Variants in CNOT6L observed in about 807,000 individuals in gnomAD.
The protein encoded by CNOT6L is CCR4-NOT transcription complex subunit 6 like, also known as CCR4-NOT transcription complex subunit 6-like.
In CNOT6L, 7 loss-of-function variants were observed where a neutral mutation model predicts 64.0. The observed-to-expected ratio is 0.11, with a 90% CI of 0.06 to 0.21. The LOEUF is 0.21. Among genes scored for constraint, CNOT6L ranks in the 10% least tolerant of loss-of-function variants. The pLI, the probability that CNOT6L is intolerant of heterozygous loss-of-function variation, is 1.00. For synonymous variants in CNOT6L, 193 were observed against 243.4 expected, an observed-to-expected ratio of 0.79 and a Z score of 1.93; for missense variants, 245 against 669.0, an observed-to-expected ratio of 0.37 and a Z score of 6.99.
At chr4:77,752,879 C>T (rs1434027414) in intron 5 of CNOT6L, among the ~76,000 whole-genome samples, 7 of 151,722 alleles carry the variant, frequency 4.6e-5, no homozygotes, top group Middle Eastern at 3.4e-3. Context: ...AACAAACATA[C>T]AATAAAGAAG....
chr4:77,743,541 C>T, intron 7 of CNOT6L, among the ~76,000 whole-genome samples: 1 of 146,586 alleles, frequency 6.8e-6, no homozygotes, highest in African/African-American at 2.5e-5. Context: ...ATAATTTTTC[C>T]TCTCAGGCTA....
chr4:77,714,438 T>TAAAAAAA lies in CNOT6L; in HGVS notation c.*5986_*5992dup, dbSNP rs201499481. 2 of 134,686 alleles carry TAAAAAAA rather than the reference T, an allele frequency of 1.5e-5. No homozygotes were observed. Among genetic ancestry groups the TAAAAAAA allele is most frequent in the East Asian group, 4.2e-4 (2 of 4,714 alleles). The allele number at this position is 134,686 out of a possible 1,614,324, so 8.3% of individuals were successfully genotyped here. ...AGAAAAAGTACATACACACTCTCTT[T>TAAAAAAA]AAAAAAAAAAAAAAAAAAAAAAAAA... On this transcript the variant is annotated 3_prime_UTR_variant, in exon 12 of 12. Coordinates refer to ENST00000504123, the MANE Select transcript of CNOT6L (RefSeq NM_144571.3).
Position 77,776,196 on chromosome 4 carries a change from C to CA in CNOT6L, c.127+74dup, listed in dbSNP as rs903695887. The CA allele has an allele frequency of 5.4e-6, 8 of 1,470,868 alleles. No homozygotes were observed. In the African/African-American group the frequency reaches 9.9e-5, roughly 18 times the overall value. The allele number at this position is 1,470,868 out of a possible 1,614,324, so 91.1% of individuals were successfully genotyped here. ...AGTCCATCTAATTAAAAATGTACAA[C>CA]AAAAAATATAGCAATACTCAACTTT... On this transcript the variant is annotated intron_variant, in intron 2 of 11. Coordinates refer to ENST00000504123, the MANE Select transcript of CNOT6L (RefSeq NM_144571.3).
intron 1 of CNOT6L, among the ~76,000 whole-genome samples, chr4:77,809,830 G>T (rs1003560256): frequency 6.6e-6 from 1 of 152,030 alleles, no homozygotes; most frequent in South Asian, 2.1e-4. Context: ...ATTAGAGAGG[G>T]AGGTTCTCTC....
intron 1 of CNOT6L, among the ~76,000 whole-genome samples, chr4:77,800,039 A>G (rs1255330146): frequency 6.7e-6 from 1 of 150,178 alleles, no homozygotes; most frequent in Non-Finnish European, 1.5e-5. Flanking sequence ...TCACCTGTAC[A>G]TAAAACTAAG....
At chr4:77,792,492 G>A (rs778553705) in intron 1 of CNOT6L, among the ~76,000 whole-genome samples, 2 of 152,144 alleles carry the variant, frequency 1.3e-5, no homozygotes, top group African/African-American at 2.4e-5. Flanking sequence ...TTGGGAGGCT[G>A]AGGTGGGCAG....
At chr4:77,736,083 T>C (rs531943179) in intron 8 of CNOT6L, among the ~76,000 whole-genome samples, 9 of 152,286 alleles carry the variant, frequency 5.9e-5, no homozygotes, top group African/African-American at 1.9e-4. Context: ...TTTACTGTCA[T>C]GGTTTCAAAA....
chr4:77,747,609 C>T (rs1439282182), intron 6 of CNOT6L, among the ~76,000 whole-genome samples: 2 of 151,672 alleles, frequency 1.3e-5, no homozygotes, highest in Admixed American at 6.6e-5. Flanking sequence ...TTTCGAAAAA[C>T]GGTAATTCAT....
At chr4:77,735,873 AG>A (rs1296381102) in intron 8 of CNOT6L, among the ~76,000 whole-genome samples, 13 of 152,330 alleles carry the variant, frequency 8.5e-5, no homozygotes, top group African/African-American at 3.1e-4. Context: ...TAATGATCAT[AG>A]GTTCATTAAA....
At chr4:77,798,504 T>C (rs1269433022) in intron 1 of CNOT6L, among the ~76,000 whole-genome samples, 1 of 152,086 alleles carries the variant, frequency 6.6e-6, no homozygotes, top group Non-Finnish European at 1.5e-5. Flanking sequence ...GGTAAAAAAG[T>C]ACATAAGATG....
chr4:77,817,289 GA>G (rs896405602), intron 1 of CNOT6L, among the ~76,000 whole-genome samples: 33 of 151,880 alleles, frequency 2.2e-4, no homozygotes, highest in South Asian at 4.2e-4. Flanking sequence ...TTTATTATTA[GA>G]AAAAAACTTC....
intron 1 of CNOT6L, among the ~76,000 whole-genome samples, chr4:77,806,994 A>G (rs1370277869): frequency 6.6e-6 from 1 of 152,162 alleles, no homozygotes; most frequent in Admixed American, 6.5e-5. Flanking sequence ...CAAACACTTG[A>G]GCTACAAAGG....
rs6833715 is a variant in CNOT6L, at chr4:77,744,621, T to C, written c.717+97A>G. On this transcript the variant is annotated intron_variant, in intron 7 of 11. Transcript: ENST00000504123. ...GAGAGAAAACAATTCTTTTTGAGCT[T>C]TGGCTCTAAACACAGGATCTCTCCC... is the stretch of plus-strand genomic sequence containing the variant. The C allele has an allele frequency of 5.9e-4, 600 of 1,010,904 alleles. 3 individuals are homozygous for C. The African/African-American group carries it at 6.7e-3, about 11-fold the overall frequency. 62.6% of individuals were successfully genotyped at this position (1,010,904 alleles called of 1,614,324 possible).
At chr4:77,722,884 TTAA>T (rs1429745639) in intron 11 of CNOT6L, among the ~76,000 whole-genome samples, 2 of 152,242 alleles carry the variant, frequency 1.3e-5, no homozygotes, top group South Asian at 4.1e-4. Flanking sequence ...ATATTTAATA[TTAA>T]TAATGTGGGA....
At chr4:77,777,199 T>C (rs1728249508) in intron 1 of CNOT6L, among the ~76,000 whole-genome samples, 1 of 152,252 alleles carries the variant, frequency 6.6e-6, no homozygotes. Context: ...TTATATCTGT[T>C]GTTCTGAAGC....
chr4:77,740,953 T>G (rs1723514645), intron 8 of CNOT6L, among the ~76,000 whole-genome samples: 1 of 152,174 alleles, frequency 6.6e-6, no homozygotes. Flanking sequence ...ATAGCCTAGG[T>G]GTATAGTGCT....
chr4:77,795,112 C>T (rs968000491), intron 1 of CNOT6L, among the ~76,000 whole-genome samples: 5 of 151,490 alleles, frequency 3.3e-5, no homozygotes, highest in Non-Finnish European at 7.4e-5. Context: ...CTCTGCCTCC[C>T]AGGTTCAAGT....
chr4:77,796,835 C>T (rs1475329129), intron 1 of CNOT6L, among the ~76,000 whole-genome samples: 1 of 151,998 alleles, frequency 6.6e-6, no homozygotes, highest in African/African-American at 2.4e-5. Flanking sequence ...AATCCCACCA[C>T]TTTGGGAGGG....
At position 77,772,917 on chromosome 4, in the gene CNOT6L, C is replaced by T. The variant is rs186223002; in HGVS notation, c.400+164G>A. 2.6e-4 allele frequency among the ~76,000 whole-genome samples: 39 copies of T among 151,998 alleles called. No homozygotes were observed. In the East Asian group the frequency reaches 3.3e-3, roughly 13 times the overall value. On this transcript the variant is annotated intron_variant, in intron 4 of 11. Transcript: ENST00000504123. ...CAGCCTGGGCGACAGACCAAGACTC[C>T]GTCTCAAACAAACAAACAAACAAAC...
Sources: gnomAD v4.1 joint callset for allele counts (sites outside exome capture counted in the v4.1 genomes callset) on GRCh38, gnomAD v4.1.1 for gene constraint, MANE v1.5 for transcripts, NCBI Gene and HGNC (gene_info 2026-07-23, HGNC 2026-07-21) for gene names.